Variants in RAPGEF4 observed in about 807,000 individuals in gnomAD.
RAPGEF4 encodes Rap guanine nucleotide exchange factor 4, also known as RAP guanine-nucleotide-exchange factor (GEF) 4.
RAPGEF4 carries 66 observed loss-of-function variants against 147.9 expected under a neutral mutation model. The observed-to-expected ratio is 0.45, with a 90% CI of 0.37 to 0.55. The LOEUF (loss-of-function observed/expected upper bound fraction) is 0.55, where lower values mean the gene tolerates loss of function less well. RAPGEF4 is among the 20% of genes least tolerant of loss of function. RAPGEF4 has a pLI of 0.00. For synonymous variants in RAPGEF4, 419 were observed against 442.7 expected, an observed-to-expected ratio of 0.95 and a Z score of 0.67; for missense variants, 1,071 against 1,257.3, an observed-to-expected ratio of 0.85 and a Z score of 2.24.
intron 4 of RAPGEF4, among the ~76,000 whole-genome samples, chr2:172,880,299 A>G (rs1460463125): frequency 6.6e-6 from 1 of 152,232 alleles, no homozygotes; most frequent in Non-Finnish European, 1.5e-5. Flanking sequence ...CACGCTCTAT[A>G]AAATGTGCTT....
At chr2:172,789,281 C>G (rs1685562076) in intron 1 of RAPGEF4, among the ~76,000 whole-genome samples, 1 of 152,190 alleles carries the variant, frequency 6.6e-6, no homozygotes, top group Non-Finnish European at 1.5e-5. Context: ...TACAGCATAA[C>G]ATAATCATGA....
intron 16 of RAPGEF4, among the ~76,000 whole-genome samples, chr2:172,998,375 C>T (rs1280724522): frequency 3.3e-5 from 5 of 152,064 alleles, no homozygotes; most frequent in Non-Finnish European, 4.4e-5. Flanking sequence ...AGTTGGAAAA[C>T]GAAGGAAAGG....
rs763998180 is a variant in RAPGEF4 at position 172,797,647 on chromosome 2, A to G, written c.297+34A>G. 2.6e-6 allele frequency: 4 copies of G among 1,509,816 alleles called. No homozygotes were observed. In the Admixed American group the frequency reaches 7.2e-5, roughly 27 times the overall value. The allele number at this position is 1,509,816 out of a possible 1,614,324, so 93.5% of individuals were successfully genotyped here. A position where few individuals can be genotyped will look rare whatever the true frequency, so the allele number is the denominator to read the frequency against. ...GTCTATTTTTTTGAAAGTAGGATTT[A>G]TTTTTTTTAAAGACTTATTATCCCT... On this transcript the variant is annotated intron_variant, in intron 3 of 30. Coordinates refer to ENST00000397081, the MANE Select transcript of RAPGEF4 (RefSeq NM_007023.4).
At chr2:173,020,411 TG>T (rs1695967054) in intron 22 of RAPGEF4, among the ~76,000 whole-genome samples, 2 of 152,192 alleles carry the variant, frequency 1.3e-5, no homozygotes, top group African/African-American at 4.8e-5. Context: ...TTCCTTTTTG[TG>T]GCCATTTCTG....
chr2:173,035,981 A>G (rs1683947127), intron 27 of RAPGEF4, 144 bp from the exon 28 acceptor site: 3 of 629,274 alleles, frequency 4.8e-6, no homozygotes, highest in Non-Finnish European at 8.6e-6. Flanking sequence ...AAAGCCATGT[A>G]TAAGTGACCC....
intron 6 of RAPGEF4, among the ~76,000 whole-genome samples, chr2:172,952,085 A>G (rs1688258920): frequency 6.6e-6 from 1 of 152,210 alleles, no homozygotes; most frequent in African/African-American, 2.4e-5. Context: ...ATCATAGCTC[A>G]CTGCAACCTC....
intron 3 of RAPGEF4, among the ~76,000 whole-genome samples, chr2:172,801,985 C>G (rs1410699042): frequency 2.6e-5 from 4 of 152,044 alleles, no homozygotes; most frequent in Non-Finnish European, 5.9e-5. Flanking sequence ...CAAAGGGCAT[C>G]TGGATTAGAG....
intron 1 of RAPGEF4, among the ~76,000 whole-genome samples, chr2:172,747,740 G>T (rs1694911474): frequency 6.6e-6 from 1 of 152,182 alleles, no homozygotes; most frequent in African/African-American, 2.4e-5. Flanking sequence ...TGGGATTACA[G>T]GCAGGAGCCA....
intron 4 of RAPGEF4, among the ~76,000 whole-genome samples, chr2:172,902,295 CTTTA>C (rs10678095): frequency 5.5e-4 from 82 of 148,442 alleles, no homozygotes; most frequent in South Asian, 6.5e-4. Flanking sequence ...CCTGGATCTT[CTTTA>C]TTTATTTATT....
chr2:173,025,198 A>G (rs1206941894), intron 23 of RAPGEF4, among the ~76,000 whole-genome samples: 3 of 152,234 alleles, frequency 2.0e-5, no homozygotes, highest in Non-Finnish European at 4.4e-5. Context: ...GGAGTGCTGT[A>G]TGGGCCAGAC....
At position 172,911,758 on chromosome 2, in the gene RAPGEF4, C is replaced by CTT. The variant is rs34659758; in HGVS notation, c.445-6020_445-6019dup. ...ACAGACATGAACCACTGTGCTAAGC[C>CTT]TTTTTTTTTTTTTTTTTTTTTTTTT... is the stretch of plus-strand genomic sequence containing the variant. On this transcript the variant is annotated intron_variant, in intron 4 of 30. Coordinates refer to ENST00000397081, the MANE Select transcript of RAPGEF4 (RefSeq NM_007023.4). Among the ~76,000 whole-genome samples the CTT allele has an allele frequency of 4.9e-4, 31 of 63,232 alleles. 1 individual carries two copies. Among genetic ancestry groups the CTT allele is most frequent in the South Asian group, 2.7e-3 (3 of 1,114 alleles). 41.5% of individuals were successfully genotyped at this position (63,232 alleles called of 152,430 possible). A position where few individuals can be genotyped will look rare whatever the true frequency, so the allele number is the denominator to read the frequency against.
At chr2:172,957,219 GCTTT>G (rs1688834793) in intron 6 of RAPGEF4, among the ~76,000 whole-genome samples, 1 of 152,192 alleles carries the variant, frequency 6.6e-6, no homozygotes, top group Admixed American at 6.5e-5. Context: ...GAGCTGGCTT[GCTTT>G]CTTTGTTTCT....
chr2:172,794,168 G>A (rs534508500), intron 1 of RAPGEF4, among the ~76,000 whole-genome samples: 100 of 151,320 alleles, frequency 6.6e-4, no homozygotes, highest in South Asian at 1.5e-3. Flanking sequence ...ACCTGAGGTC[G>A]GGAGTTCAAG....
chr2:172,827,517 A>G (rs778401640), intron 4 of RAPGEF4, among the ~76,000 whole-genome samples: 1 of 151,930 alleles, frequency 6.6e-6, no homozygotes, highest in African/African-American at 2.4e-5. Context: ...CCATCCCACC[A>G]TTCTCAGTGA....
intron 4 of RAPGEF4, among the ~76,000 whole-genome samples, chr2:172,815,425 T>C (rs979988904): frequency 6.6e-6 from 1 of 152,190 alleles, no homozygotes; most frequent in Non-Finnish European, 1.5e-5. Flanking sequence ...GTGAATAAAT[T>C]GTGAGGTTAC....
Position 172,820,184 on chromosome 2 carries a change from G to A in RAPGEF4, c.444+5759G>A, listed in dbSNP as rs536626782. Among the ~76,000 whole-genome samples, 3 of 152,300 alleles carry A rather than the reference G, an allele frequency of 2.0e-5. No homozygotes were observed. In the East Asian group the frequency reaches 5.8e-4, roughly 29 times the overall value. On this transcript the variant is annotated intron_variant, in intron 4 of 30. Coordinates refer to ENST00000397081, the MANE Select transcript of RAPGEF4 (RefSeq NM_007023.4). ...AATTGAATGAGGTGATGAGTCCACT[G>A]TATTCAGGAAAGTAGATTAGAGAGG... is the stretch of plus-strand genomic sequence containing the variant.
chr2:172,783,313 C>G (rs1684859197), intron 1 of RAPGEF4, among the ~76,000 whole-genome samples: 1 of 152,202 alleles, frequency 6.6e-6, no homozygotes, highest in South Asian at 2.1e-4. Context: ...GCAGTGACCT[C>G]CAGTCACAAC....
At position 173,033,945 on chromosome 2, in the gene RAPGEF4, C is replaced by T. The variant is rs368215776; in HGVS notation, c.2681C>T (p.Ala894Val). ...KLPSKFKKFY[A>V]EFESLMDPSR... ...CCAAGCAAGTTCAAGAAGTTCTATG[C>T]GGAGTTTGAAAGTTTAATGGTAAGT... The change falls in exon 27 of 31, where the codon GCG (alanine) becomes GTG (valine). Residue 894 changes from alanine (A) to valine (V), a missense_variant. Coordinates refer to ENST00000397081, the MANE Select transcript of RAPGEF4 (RefSeq NM_007023.4). The T allele has an allele frequency of 6.4e-5, 103 of 1,612,634 alleles. No homozygotes were observed. Among genetic ancestry groups the T allele is most frequent in the Middle Eastern group, 1.7e-4 (1 of 6,058 alleles).
intron 10 of RAPGEF4, among the ~76,000 whole-genome samples, chr2:172,968,244 A>G (rs1690070590): frequency 1.3e-5 from 2 of 152,154 alleles, no homozygotes; most frequent in Admixed American, 6.5e-5. Context: ...TTTGGCTGGA[A>G]ATGAAGACGC....
Sources: gnomAD v4.1 joint callset for allele counts (sites outside exome capture counted in the v4.1 genomes callset) on GRCh38, gnomAD v4.1.1 for gene constraint, MANE v1.5 for transcripts, NCBI Gene and HGNC (gene_info 2026-07-23, HGNC 2026-07-21) for gene names.